Variants in PNPLA7 observed in about 807,000 individuals in gnomAD.
PNPLA7 encodes patatin like domain 7, lysophospholipase, also known as patatin-like phospholipase domain-containing protein 7.
PNPLA7 carries 153 observed loss-of-function variants against 161.7 expected under a neutral mutation model. That is an observed-to-expected ratio of 0.95 (90% confidence interval 0.83 to 1.08). The LOEUF is 1.08. Ranked by LOEUF, PNPLA7 falls within the 50% of genes least tolerant of loss-of-function variation. The pLI, the probability that PNPLA7 is intolerant of heterozygous loss-of-function variation, is 0.00. For synonymous variants in PNPLA7, 809 were observed against 782.1 expected (o/e 1.03, Z -0.57); for missense variants, 1,739 against 1,856.6 (o/e 0.94, Z 1.16).
chr9:137,518,408 T>C (rs374861366), intron 11 of PNPLA7, among the ~76,000 whole-genome samples: 1 of 72,928 alleles, frequency 1.4e-5, no homozygotes, highest in African/African-American at 6.6e-5. Context: ...CTCACTCCAC[T>C]CTGCTCACTC....
In PNPLA7 at chr9:137,540,772, C is replaced by T. The variant is rs368272748; in HGVS notation, c.667-50G>A. 6.5e-6 allele frequency: 10 copies of T among 1,528,936 alleles called. No homozygotes were observed. Among genetic ancestry groups the T allele is most frequent in the Admixed American group, 3.7e-5 (2 of 54,440 alleles). The allele number at this position is 1,528,936 out of a possible 1,614,324, so 94.7% of individuals were successfully genotyped here. A position where few individuals can be genotyped will look rare whatever the true frequency, so the allele number is the denominator to read the frequency against. ...GCCGTCAGGTCTGGGGCTGCGACCG[C>T]GGGGCCTGGCGGAGGCTCAGCCCAG... On this transcript the variant is annotated intron_variant, in intron 7 of 34. Coordinates refer to ENST00000406427, the MANE Select transcript of PNPLA7 (RefSeq NM_001098537.3). The surrounding 1 kb of genome is among the most constrained non-coding windows in gnomAD (Gnocchi z 5.1).
intron 29 of PNPLA7, 59 bp from the exon 30 acceptor site, chr9:137,462,892 G>A: frequency 6.3e-7 from 1 of 1,596,560 alleles, no homozygotes; most frequent in Non-Finnish European, 8.6e-7. Flanking sequence ...AGGGGACGGG[G>A]GCAGAGCCTG....
Position 137,505,963 on chromosome 9 carries a change from G to A in PNPLA7, c.1326+20C>T. The stretch of plus-strand genomic sequence containing the variant: ...GGGTGGGGCCCCAGGCGGAGGGTGA[G>A]AATGACAGCCAGGGCCTACCTTGCT... On this transcript the variant is annotated intron_variant, in intron 13 of 34. Transcript: ENST00000406427. 1 of 1,596,498 alleles carries A rather than the reference G, an allele frequency of 6.3e-7. No individual in the cohort carries two copies. The highest frequency in any genetic ancestry group is 8.5e-7 in the Non-Finnish European group (1 of 1,170,746).
intron 20 of PNPLA7, 52 bp from the exon 21 acceptor site, chr9:137,484,788 G>A: frequency 1.3e-6 from 2 of 1,514,338 alleles, no homozygotes; most frequent in South Asian, 1.3e-5. Context: ...GCTCACAGAT[G>A]CCTCCAGATG....
chr9:137,541,063 A>G lies in PNPLA7; in HGVS notation c.667-341T>C, dbSNP rs1371521683. The stretch of plus-strand genomic sequence containing the variant: ...TCCGAGGACCGATTCAGTTATTACC[A>G]GCCTAAATTCCAGAACTTTGATATA... On this transcript the variant is annotated intron_variant, in intron 7 of 34. Transcript: ENST00000406427. This position sits in a 1 kb window ranked among gnomAD's most constrained non-coding sequence, Gnocchi z 4.4. Among the ~76,000 whole-genome samples the G allele has an allele frequency of 6.6e-6, 1 of 152,244 alleles. No individual in the cohort carries two copies. The highest frequency in any genetic ancestry group is 1.5e-5 in the Non-Finnish European group (1 of 68,040).
At chr9:137,544,707 G>C (rs897312514) in intron 4 of PNPLA7, among the ~76,000 whole-genome samples, 4 of 152,062 alleles carry the variant, frequency 2.6e-5, no homozygotes, top group Non-Finnish European at 4.4e-5. Flanking sequence ...GCAATGGCAC[G>C]ATCTCGACTC....
At chr9:137,487,513 G>C (rs780589453) in intron 20 of PNPLA7, among the ~76,000 whole-genome samples, 1 of 152,224 alleles carries the variant, frequency 6.6e-6, no homozygotes, top group Non-Finnish European at 1.5e-5. Context: ...GAAAAGAACC[G>C]GGGCACTGGC....
intron 21 of PNPLA7, among the ~76,000 whole-genome samples, chr9:137,481,479 C>T (rs1263479750): frequency 6.6e-6 from 1 of 152,208 alleles, no homozygotes; most frequent in Non-Finnish European, 1.5e-5. Context: ...GCATCTTCCA[C>T]ATGGGCACGG....
chr9:137,504,808 T>A (rs1833823829), intron 14 of PNPLA7, among the ~76,000 whole-genome samples: 1 of 152,140 alleles, frequency 6.6e-6, no homozygotes, highest in Non-Finnish European at 1.5e-5. Flanking sequence ...AGCTGTAAAG[T>A]GATTAGCCAT....
In PNPLA7 at chr9:137,510,810, G is replaced by A. The variant is rs545485610; in HGVS notation, c.1225+4569C>T. ...AAACGCCACCAGGCAGTGCCCCCGT[G>A]TGGGCGGAAAGTCACCCAGGTGCCG... On this transcript the variant is annotated intron_variant, in intron 12 of 34. Transcript: ENST00000406427. Among the ~76,000 whole-genome samples, 19 of 152,350 alleles carry A rather than the reference G, an allele frequency of 1.2e-4. No homozygotes were observed. In the South Asian group the frequency reaches 3.7e-3, roughly 30 times the overall value.
chr9:137,477,993 C>T (rs1832021278), intron 25 of PNPLA7, 41 bp downstream of exon 25: 1 of 1,298,754 alleles, frequency 7.7e-7, no homozygotes, highest in Non-Finnish European at 9.9e-7. Context: ...ACTGTCACCA[C>T]ACACACCAGT....
At chr9:137,519,889 C>T (rs756227923) in intron 11 of PNPLA7, 28 bp downstream of exon 11, 1 of 1,597,626 alleles carries the variant, frequency 6.3e-7, no homozygotes, top group South Asian at 1.1e-5. Flanking sequence ...TGGGGCTGGA[C>T]ATTGCCCTCC....
chr9:137,472,783 G>A (rs189539939), intron 25 of PNPLA7, among the ~76,000 whole-genome samples: 5 of 148,082 alleles, frequency 3.4e-5, no homozygotes, highest in Admixed American at 2.7e-4. Flanking sequence ...GGTGAAACCC[G>A]GTCTCTACTA....
chr9:137,460,602 G>GT (rs1831132503), intron 34 of PNPLA7, 32 bp downstream of exon 34: 1 of 1,603,122 alleles, frequency 6.2e-7, no homozygotes, highest in African/African-American at 1.3e-5. Context: ...CTCAGCTGTG[G>GT]GCACCAGGTG....
chr9:137,480,797 C>A, intron 22 of PNPLA7, 163 bp downstream of exon 22: 1 of 863,400 alleles, frequency 1.2e-6, no homozygotes, highest in Non-Finnish European at 1.8e-6. Context: ...CAGCGCTGCC[C>A]AGTGTGTCCA....
At chr9:137,506,882 C>CAT (rs1833952175) in intron 12 of PNPLA7, among the ~76,000 whole-genome samples, 1 of 152,270 alleles carries the variant, frequency 6.6e-6, no homozygotes, top group African/African-American at 2.4e-5. Flanking sequence ...GAGTCATCTG[C>CAT]ACTGCGGTTT....
Position 137,540,731 on chromosome 9 carries a change from G to A in PNPLA7, c.667-9C>T, listed in dbSNP as rs1244959832. ...ACCACCTCGGTGCCGTCCTGCGCTT[G>A]GAGAGCAGAGTGGGTGCCGTCAGGT... is the stretch of plus-strand genomic sequence containing the variant. On this transcript the variant is annotated splice_polypyrimidine_tract_variant and intron_variant, in intron 7 of 34. Transcript: ENST00000406427. This position sits in a 1 kb window ranked among gnomAD's most constrained non-coding sequence, Gnocchi z 5.1. 4 of 1,605,220 alleles carry A rather than the reference G, an allele frequency of 2.5e-6. No homozygotes were observed. Among genetic ancestry groups the A allele is most frequent in the Admixed American group, 3.4e-5 (2 of 59,468 alleles).
intron 28 of PNPLA7, among the ~76,000 whole-genome samples, 166 bp downstream of exon 28, chr9:137,463,960 T>C (rs1171049003): frequency 1.3e-5 from 2 of 152,212 alleles, no homozygotes; most frequent in African/African-American, 4.8e-5. Context: ...CCCCCTCCTG[T>C]CTGTGCCCCT....
At position 137,522,721 on chromosome 9, in the gene PNPLA7, T is replaced by C. The variant is rs772183100; in HGVS notation, c.876+8A>G. 28 of 1,612,954 alleles carry C rather than the reference T, an allele frequency of 1.7e-5. No individual in the cohort carries two copies. The highest frequency in any genetic ancestry group is 5.3e-5 in the African/African-American group (4 of 74,900). On this transcript the variant is annotated splice_region_variant and intron_variant, in intron 9 of 34. Transcript: ENST00000406427. ...CAGCTAGAAGAGTTGTCTGAAAAAG[T>C]GACTCACCTGCACCACCCTCACCAG...
Sources: allele counts gnomAD v4.1 joint callset (sites outside exome capture counted in the v4.1 genomes callset), GRCh38; gene constraint gnomAD v4.1.1; non-coding constraint Gnocchi (gnomAD v3.1); transcripts MANE v1.5; gene names NCBI Gene and HGNC (gene_info 2026-07-23, HGNC 2026-07-21).